The following PLA2R1 variants were observed in gnomAD, a reference collection of about 807,000 sequenced individuals.
PLA2R1 encodes secretory phospholipase A2 receptor.
PLA2R1 carries 158 observed loss-of-function variants against 195.9 expected under a neutral mutation model. The ratio of observed to expected loss-of-function variants is 0.81; its 90% CI spans 0.71 to 0.92. The LOEUF (loss-of-function observed/expected upper bound fraction) is 0.92, where lower values mean the gene tolerates loss of function less well. PLA2R1 is among the 40% of genes least tolerant of loss of function. The pLI is 0.00. For synonymous variants in PLA2R1, 586 were observed against 598.2 expected, an observed-to-expected ratio of 0.98 and a Z score of 0.30; for missense variants, 1,626 against 1,764.6, an observed-to-expected ratio of 0.92 and a Z score of 1.41.
At chr2:160,004,286 G>C (rs913313784) in intron 11 of PLA2R1, among the ~76,000 whole-genome samples, 1 of 152,142 alleles carries the variant, frequency 6.6e-6, no homozygotes, top group Non-Finnish European at 1.5e-5. Context: ...GGGCAAATGA[G>C]GTATATGGTC....
chr2:159,947,648 G>A (rs1413675237), intron 25 of PLA2R1, 89 bp from the exon 26 acceptor site: 10 of 1,226,326 alleles, frequency 8.2e-6, no homozygotes, highest in Non-Finnish European at 1.2e-5. Context: ...AAAAGATCAA[G>A]ATAAATATAT....
In PLA2R1 at chr2:159,938,583, T is replaced by A. The variant is rs1364439334; in HGVS notation, c.*3195A>T. On this transcript the variant is annotated 3_prime_UTR_variant, in exon 30 of 30. Coordinates refer to ENST00000283243, the MANE Select transcript of PLA2R1 (RefSeq NM_007366.5). Reference sequence around the variant, plus strand: ...AAGACAGCACCAGGGACAGCCAGAATGAGGCCAAATCAAAGAGAACAGACT... The same window carrying A: ...AAGACAGCACCAGGGACAGCCAGAAAGAGGCCAAATCAAAGAGAACAGACT... 6.6e-6 allele frequency: 1 copy of A among 152,402 alleles called. No homozygotes were observed. The highest frequency in any genetic ancestry group is 1.9e-4 in the East Asian group (1 of 5,200). The allele number at this position is 152,402 out of a possible 1,614,324, so 9.4% of individuals were successfully genotyped here.
intron 3 of PLA2R1, among the ~76,000 whole-genome samples, chr2:160,039,079 T>G (rs891830648): frequency 1.3e-5 from 2 of 152,128 alleles, no homozygotes; most frequent in Non-Finnish European, 2.9e-5. Context: ...TTGGCCATGC[T>G]GATCTCAAAC....
At chr2:160,053,352 G>A (rs1016599253) in intron 1 of PLA2R1, among the ~76,000 whole-genome samples, 1 of 150,662 alleles carries the variant, frequency 6.6e-6, no homozygotes, top group Admixed American at 6.6e-5. Context: ...ATTTGGTGGG[G>A]GGGGGGGGAA....
intron 19 of PLA2R1, among the ~76,000 whole-genome samples, chr2:159,968,132 A>G (rs1688906516): frequency 1.3e-5 from 2 of 152,332 alleles, no homozygotes; most frequent in South Asian, 4.1e-4. Context: ...CTTCCAAGAA[A>G]ACAGCATTTA....
intron 8 of PLA2R1, 113 bp downstream of exon 8, chr2:160,019,993 T>A: frequency 1.5e-6 from 1 of 653,026 alleles, no homozygotes; most frequent in Middle Eastern, 4.2e-4. Context: ...GGAAGGCCCA[T>A]GAGGAACAGG....
At position 159,933,228 on chromosome 2, in the gene PLA2R1, CAT is replaced by C. The variant is rs1686662839; in HGVS notation, c.*8548_*8549del. On this transcript the variant is annotated 3_prime_UTR_variant, in exon 30 of 30. Transcript: ENST00000283243. ...CTGAGTAAAGAAGGTCACCGGTATA[CAT>C]AGGGTTCATTTTGTGGTTTTAGTTA... is the stretch of plus-strand genomic sequence containing the variant. 6.6e-6 allele frequency: 1 copy of C among 152,164 alleles called. No homozygotes were observed. Among genetic ancestry groups the C allele is most frequent in the African/African-American group, 2.4e-5 (1 of 41,430 alleles). The allele number at this position is 152,164 out of a possible 1,614,324, so 9.4% of individuals were successfully genotyped here. A position where few individuals can be genotyped will look rare whatever the true frequency, so the allele number is the denominator to read the frequency against.
At chr2:159,975,021 A>G (rs1689447837) in intron 17 of PLA2R1, among the ~76,000 whole-genome samples, 1 of 152,202 alleles carries the variant, frequency 6.6e-6, no homozygotes, top group Non-Finnish European at 1.5e-5. Flanking sequence ...ATATGATTAA[A>G]TTACAGGAAA....
At chr2:159,950,617 ATATAT>A (rs1401595528) in intron 24 of PLA2R1, among the ~76,000 whole-genome samples, 1 of 152,202 alleles carries the variant, frequency 6.6e-6, no homozygotes, top group Non-Finnish European at 1.5e-5. Context: ...GTTGTTAAAG[ATATAT>A]TAAATTAAAA....
intron 1 of PLA2R1, among the ~76,000 whole-genome samples, chr2:160,061,528 C>A (rs1260707190): frequency 8.5e-5 from 13 of 152,150 alleles, no homozygotes; most frequent in Non-Finnish European, 7.3e-5. Flanking sequence ...AATCCCAGAA[C>A]TTTGGGAGGA....
chr2:159,946,542 C>A, intron 27 of PLA2R1: 1 of 1,129,970 alleles, frequency 8.8e-7, no homozygotes, highest in Non-Finnish European at 1.1e-6. Flanking sequence ...AAAGTTCCAG[C>A]CAAGCATCTT....
intron 10 of PLA2R1, among the ~76,000 whole-genome samples, chr2:160,011,754 C>A (rs1032912133): frequency 6.6e-6 from 1 of 152,160 alleles, no homozygotes; most frequent in African/African-American, 2.4e-5. Flanking sequence ...TTCTTGGAAC[C>A]TTTTGGGTGA....
chr2:160,056,698 G>A (rs930287477), intron 1 of PLA2R1, among the ~76,000 whole-genome samples: 8 of 152,030 alleles, frequency 5.3e-5, no homozygotes, highest in East Asian at 1.9e-4. Context: ...CTATCCAGAC[G>A]GTTTCTTTGC....
rs1686835306 is a variant in PLA2R1, at chr2:159,936,378, AAAGATT to A, written c.*5394_*5399del. On this transcript the variant is annotated 3_prime_UTR_variant, in exon 30 of 30. Transcript: ENST00000283243. ...GATCAGAACAAAATAAATATGTTAC[AAAGATT>A]AAGATAGTATATGTCAAACTAAAAT... 1 of 152,244 alleles carries A rather than the reference AAAGATT, an allele frequency of 6.6e-6. No homozygotes were observed. The highest frequency in any genetic ancestry group is 1.5e-5 in the Non-Finnish European group (1 of 68,042). 9.4% of individuals were successfully genotyped at this position (152,244 alleles called of 1,614,324 possible). A position where few individuals can be genotyped will look rare whatever the true frequency, so the allele number is the denominator to read the frequency against.
At chr2:160,021,775 T>C (rs1430173125) in intron 7 of PLA2R1, among the ~76,000 whole-genome samples, 1 of 152,234 alleles carries the variant, frequency 6.6e-6, no homozygotes, top group Non-Finnish European at 1.5e-5. Context: ...AACCTATTTT[T>C]TAAAGTATTT....
intron 17 of PLA2R1, among the ~76,000 whole-genome samples, chr2:159,971,491 CA>C (rs1689180897): frequency 8.0e-6 from 1 of 124,912 alleles, no homozygotes; most frequent in Non-Finnish European, 2.0e-5. Context: ...CACACACATA[CA>C]CACACACACA....
At chr2:159,978,836 G>A (rs1378134820) in intron 14 of PLA2R1, among the ~76,000 whole-genome samples, 2 of 152,058 alleles carry the variant, frequency 1.3e-5, no homozygotes, top group Non-Finnish European at 2.9e-5. Flanking sequence ...CTTGGTACGG[G>A]GCTTTCTCTA....
chr2:159,977,239 T>G, intron 15 of PLA2R1, 45 bp downstream of exon 15: 1 of 1,446,502 alleles, frequency 6.9e-7, no homozygotes, highest in Non-Finnish European at 9.7e-7. Context: ...TACTAGAGAT[T>G]ATTAGAAATC....
rs910037888 is a variant in PLA2R1 at position 159,945,850 on chromosome 2, A to C, written c.3968-768T>G. 4 of 914,014 alleles carry C rather than the reference A, an allele frequency of 4.4e-6. No individual in the cohort carries two copies. In the African/African-American group the frequency reaches 7.2e-5, roughly 16 times the overall value. The allele number at this position is 914,014 out of a possible 1,614,324, so 56.6% of individuals were successfully genotyped here. ...TCTTTATTTTAGGTACAGTGTTCTT[A>C]TTTAGGTCATTTAGGTTATCATGTT... On this transcript the variant is annotated intron_variant, in intron 27 of 29. Coordinates refer to ENST00000283243, the MANE Select transcript of PLA2R1 (RefSeq NM_007366.5).
Sources: allele counts gnomAD v4.1 joint callset (sites outside exome capture counted in the v4.1 genomes callset), GRCh38; gene constraint gnomAD v4.1.1; transcripts MANE v1.5; gene names NCBI Gene and HGNC (gene_info 2026-07-23, HGNC 2026-07-21).